The following CASR variants were observed in gnomAD, a reference collection of about 807,000 sequenced individuals.
CASR encodes extracellular calcium-sensing receptor.
A neutral mutation model predicts 69.1 loss-of-function variants in CASR; 23 were observed. The observed-to-expected ratio is 0.33, with a 90% CI of 0.24 to 0.47. The LOEUF (loss-of-function observed/expected upper bound fraction) is 0.47, where lower values mean the gene tolerates loss of function less well. Ranked by LOEUF, CASR falls within the 20% of genes least tolerant of loss-of-function variation. CASR has a pLI of 1.00. For synonymous variants in CASR, 541 were observed against 544.7 expected (o/e 0.99, Z 0.10); for missense variants, 924 against 1,356.1 (o/e 0.68, Z 5.00).
In CASR at chr3:122,284,680, C is replaced by A. The variant is rs201067523; in HGVS notation, c.2726C>A (p.Thr909Asn). 1 of 1,613,472 alleles carries A rather than the reference C, an allele frequency of 6.2e-7. No homozygotes were observed. Among genetic ancestry groups the A allele is most frequent in the Non-Finnish European group, 8.5e-7 (1 of 1,179,466 alleles). Residue 909 changes from threonine (T) to asparagine (N), a missense_variant, in exon 7 of 7, where the codon ACC becomes AAC. Physicochemically the swap from Thr to Asn is moderately conservative, Grantham distance 65. Coordinates refer to ENST00000639785, the MANE Select transcript of CASR (RefSeq NM_000388.4). ...AGCCTTGGAGGCTCCACGGGATCCA[C>A]CCCCTCCTCCTCCATCAGCAGCAAG... ...SSSLGGSTGS[T>N]PSSSISSKSN...
chr3:122,234,542 AAAG>A (rs771447054), intron 1 of CASR, among the ~76,000 whole-genome samples: 5 of 152,262 alleles, frequency 3.3e-5, no homozygotes, highest in Non-Finnish European at 5.9e-5. Context: ...GGGAGAGAAG[AAAG>A]AAGAAAGCAA....
rs547799889 is a variant in CASR, at chr3:122,276,243, C to A, written c.1608+201C>A. On this transcript the variant is annotated intron_variant, in intron 5 of 6. Transcript: ENST00000639785. ...AAGAGAAGAATCTCCAGAACCTGAG[C>A]CCCATGCCTTCCTACTGTATTGAAA... Among the ~76,000 whole-genome samples the A allele has an allele frequency of 5.1e-4, 77 of 152,318 alleles. 1 individual carries two copies. Among genetic ancestry groups the A allele is most frequent in the Non-Finnish European group, 1.0e-3 (71 of 68,034 alleles).
At chr3:122,209,080 G>A (rs6780593) in intron 1 of CASR, among the ~76,000 whole-genome samples, 21,394 of 152,146 alleles carry the variant, frequency 0.14, 1,546 homozygotes, top group Non-Finnish European at 0.15. Flanking sequence ...ACTCAAGTGT[G>A]TATCAGAGTC....
At chr3:122,255,916 T>C (rs2074550256) in intron 2 of CASR, among the ~76,000 whole-genome samples, 3 of 139,378 alleles carry the variant, frequency 2.2e-5, no homozygotes, top group Non-Finnish European at 4.8e-5. Flanking sequence ...AAGAACCTGG[T>C]GAGTTGTTTT....
chr3:122,265,985 A>G (rs1387837793), intron 4 of CASR, among the ~76,000 whole-genome samples: 1 of 152,086 alleles, frequency 6.6e-6, no homozygotes, highest in East Asian at 1.9e-4. Context: ...TAGAGAAGGG[A>G]ATTGGGCCTG....
At chr3:122,229,684 A>G (rs1234479967) in intron 1 of CASR, among the ~76,000 whole-genome samples, 1 of 152,180 alleles carries the variant, frequency 6.6e-6, no homozygotes, top group African/African-American at 2.4e-5. Flanking sequence ...CAACATGGTG[A>G]AACCCCACCT....
chr3:122,240,619 G>T (rs1435665590), intron 1 of CASR, among the ~76,000 whole-genome samples: 2 of 152,172 alleles, frequency 1.3e-5, no homozygotes, highest in African/African-American at 4.8e-5. Flanking sequence ...GCATTGGACT[G>T]ATCTTCCAGA....
rs2074919543 is a variant in CASR, at chr3:122,283,601, A to C, written c.1733-86A>C. On this transcript the variant is annotated intron_variant, in intron 6 of 6. Coordinates refer to ENST00000639785, the MANE Select transcript of CASR (RefSeq NM_000388.4). ...AATATGTAGTGACCACATCCAAAAA[A>C]CTATGTATTCCCACCACCACATGTA... 5.5e-6 allele frequency: 6 copies of C among 1,081,710 alleles called. No individual in the cohort carries two copies. The East Asian group carries it at 1.4e-4, about 25-fold the overall frequency. The allele number at this position is 1,081,710 out of a possible 1,614,324, so 67.0% of individuals were successfully genotyped here. A position where few individuals can be genotyped will look rare whatever the true frequency, so the allele number is the denominator to read the frequency against.
intron 1 of CASR, among the ~76,000 whole-genome samples, chr3:122,199,438 G>A (rs1396155485): frequency 6.6e-6 from 1 of 152,190 alleles, no homozygotes; most frequent in Non-Finnish European, 1.5e-5. Flanking sequence ...TGTATTTGCA[G>A]TGGTGTTTAT....
chr3:122,265,189 A>T (rs958399650), intron 4 of CASR, among the ~76,000 whole-genome samples: 3 of 152,120 alleles, frequency 2.0e-5, no homozygotes, highest in Admixed American at 6.5e-5. Context: ...CTCATTTTTG[A>T]TGTTTATATA....
At chr3:122,199,752 A>G (rs149754100) in intron 1 of CASR, among the ~76,000 whole-genome samples, 52 of 152,314 alleles carry the variant, frequency 3.4e-4, no homozygotes, top group Middle Eastern at 3.4e-3. Context: ...GGGAGGTGAT[A>G]ACCAGAAGTT....
rs1258801760 is a variant in CASR at position 122,251,572 on chromosome 3, A to ATGTT, written c.-242-2374_-242-2371dup. Among the ~76,000 whole-genome samples, 16 of 152,220 alleles carry ATGTT rather than the reference A, an allele frequency of 1.1e-4. 1 individual carries two copies. The highest frequency in any genetic ancestry group is 1.0e-3 in the Admixed American group (16 of 15,286). ...CATCTGAAAGCTCAAAGATAAGTAGATGTTTTCCAGGCCAAGTTTAGGCCA... is the reference window on the plus strand; with the variant it reads ...CATCTGAAAGCTCAAAGATAAGTAGATGTTTGTTTTCCAGGCCAAGTTTAGGCCA... On this transcript the variant is annotated intron_variant, in intron 1 of 6. Transcript: ENST00000639785.
chr3:122,275,237 TA>T (rs1324112652), intron 4 of CASR, among the ~76,000 whole-genome samples: 1 of 152,226 alleles, frequency 6.6e-6, no homozygotes, highest in African/African-American at 2.4e-5. Flanking sequence ...TAAAACCTTA[TA>T]AAAATTCAAG....
intron 5 of CASR, among the ~76,000 whole-genome samples, chr3:122,276,514 T>C: frequency 6.6e-6 from 1 of 152,158 alleles, no homozygotes; most frequent in Non-Finnish European, 1.5e-5. Flanking sequence ...GTGTCCAGCA[T>C]GTGTGGGACA....
At chr3:122,208,599 T>C (rs1485187744) in intron 1 of CASR, among the ~76,000 whole-genome samples, 2 of 152,198 alleles carry the variant, frequency 1.3e-5, no homozygotes, top group Admixed American at 6.5e-5. Context: ...GATCACTGTT[T>C]ATTACATTAA....
intron 4 of CASR, among the ~76,000 whole-genome samples, chr3:122,272,366 C>T (rs73186017): frequency 0.26 from 40,280 of 152,086 alleles, 6,247 homozygotes; most frequent in Non-Finnish European, 0.36. Flanking sequence ...CCCTTGTTCT[C>T]TAGTACATAC....
chr3:122,232,965 C>T (rs1183000589), intron 1 of CASR, among the ~76,000 whole-genome samples: 1 of 152,176 alleles, frequency 6.6e-6, no homozygotes, highest in Non-Finnish European at 1.5e-5. Flanking sequence ...ACTCCACAAT[C>T]ATGTCTGAAC....
chr3:122,236,530 C>T (rs1038843937), intron 1 of CASR, among the ~76,000 whole-genome samples: 4 of 152,080 alleles, frequency 2.6e-5, no homozygotes, highest in African/African-American at 9.7e-5. Flanking sequence ...CATTTTCAAT[C>T]TGAGATATTT....
At chr3:122,233,441 T>G (rs1434121482) in intron 1 of CASR, among the ~76,000 whole-genome samples, 1 of 152,212 alleles carries the variant, frequency 6.6e-6, no homozygotes, top group Non-Finnish European at 1.5e-5. Context: ...TTCCCTGCTC[T>G]TCTCTAATCT....
Sources: allele counts gnomAD v4.1 joint callset (sites outside exome capture counted in the v4.1 genomes callset), GRCh38; gene constraint gnomAD v4.1.1; transcripts MANE v1.5; gene names NCBI Gene and HGNC (gene_info 2026-07-23, HGNC 2026-07-21).